The following TRIM71 variants were observed in gnomAD, a reference collection of about 807,000 sequenced individuals.
The protein encoded by TRIM71 is tripartite motif containing 71.
TRIM71 carries 9 observed loss-of-function variants against 61.2 expected under a neutral mutation model. The ratio of observed to expected loss-of-function variants is 0.15; its 90% CI spans 0.09 to 0.26. TRIM71 has a LOEUF of 0.26. TRIM71 is among the 10% of genes least tolerant of loss of function. The pLI, the probability that TRIM71 is intolerant of heterozygous loss-of-function variation, is 1.00. For synonymous variants in TRIM71, 645 were observed against 553.2 expected (o/e 1.17, Z -2.33); for missense variants, 998 against 1,238.7 (o/e 0.81, Z 2.92).
rs1221920243 is a variant in TRIM71 at position 32,891,685 on chromosome 3, C to T, written c.2481C>T (p.Phe827=). ...AGATGTTTGAATCCAACGGCAGCTT[C>T]CTGTGCAAGTTTGGTGCTCAAGGCA... is the stretch of plus-strand genomic sequence containing the variant. ...RVQMFESNGS[F]LCKFGAQGSG... Residue 827 remains phenylalanine (F), a synonymous_variant, in exon 4 of 4, where the codon TTC becomes TTT. Coordinates refer to ENST00000383763, the MANE Select transcript of TRIM71 (RefSeq NM_001039111.3). This position sits in a 1 kb window ranked among gnomAD's most constrained non-coding sequence, Gnocchi z 8.2. The T allele has an allele frequency of 6.2e-7, 1 of 1,613,962 alleles. No individual in the cohort carries two copies. Among genetic ancestry groups the T allele is most frequent in the African/African-American group, 1.3e-5 (1 of 74,936 alleles).
intron 1 of TRIM71, among the ~76,000 whole-genome samples, chr3:32,828,447 A>G (rs1276007156): frequency 6.6e-6 from 1 of 151,120 alleles, no homozygotes; most frequent in Admixed American, 6.6e-5. Context: ...TAAGGAGTAG[A>G]GCTGAAATAT....
rs200496390 is a variant in TRIM71 at position 32,890,410 on chromosome 3, G to A, written c.1206G>A (p.Glu402=). ...CCAAGTCTCTGTACCTGCAGGTGGA[G>A]AAGCTGCGGCAAAACCTCAACAAGC... ...VKAKSLYLQV[E]KLRQNLNKLE... Residue 402 remains glutamate (E), a synonymous_variant, in exon 4 of 4, where the codon GAG becomes GAA. Coordinates refer to ENST00000383763, the MANE Select transcript of TRIM71 (RefSeq NM_001039111.3). This position sits in a 1 kb window ranked among gnomAD's most constrained non-coding sequence, Gnocchi z 6.2. 1 of 1,614,036 alleles carries A rather than the reference G, an allele frequency of 6.2e-7. No homozygotes were observed. The highest frequency in any genetic ancestry group is 8.5e-7 in the Non-Finnish European group (1 of 1,179,898).
chr3:32,871,588 C>G (rs78937538), intron 1 of TRIM71, among the ~76,000 whole-genome samples: 2,241 of 152,226 alleles, frequency 0.015, 23 homozygotes, highest in Non-Finnish European at 0.021. Flanking sequence ...AGCACCAGGT[C>G]GTAAAAAGGG....
chr3:32,859,152 A>G (rs1696638508), intron 1 of TRIM71, among the ~76,000 whole-genome samples: 1 of 152,196 alleles, frequency 6.6e-6, no homozygotes, highest in African/African-American at 2.4e-5. Flanking sequence ...ATTTGTTGGA[A>G]TGAGGTAGGA....
intron 1 of TRIM71, among the ~76,000 whole-genome samples, chr3:32,856,785 A>G (rs1339524811): frequency 6.6e-6 from 1 of 152,124 alleles, no homozygotes; most frequent in Admixed American, 6.5e-5. Context: ...TGCCTTGCAA[A>G]CACTGTGATT....
In TRIM71 at chr3:32,873,060, TCTTC is replaced by T. The variant is rs539712045; in HGVS notation, c.853-755_853-752del. On this transcript the variant is annotated intron_variant, in intron 1 of 3. Transcript: ENST00000383763. The stretch of plus-strand genomic sequence containing the variant: ...TAAAGGTTGTGCCAGCCCTTCTCTC[TCTTC>T]CTCCCTCCCTCCCTCCCTCCCTCCC... Among the ~76,000 whole-genome samples the T allele has an allele frequency of 3.4e-3, 328 of 96,046 alleles. 11 individuals are homozygous for T. Among genetic ancestry groups the T allele is most frequent in the East Asian group, 0.021 (50 of 2,344 alleles). 63.0% of individuals were successfully genotyped at this position (96,046 alleles called of 152,430 possible).
At chr3:32,875,576 C>T (rs926875402) in intron 2 of TRIM71, among the ~76,000 whole-genome samples, 1 of 152,198 alleles carries the variant, frequency 6.6e-6, no homozygotes, top group African/African-American at 2.4e-5. Context: ...CAGTGGCTCA[C>T]GCCTGTGTAA....
At chr3:32,860,933 G>A (rs1389521319) in intron 1 of TRIM71, among the ~76,000 whole-genome samples, 1 of 152,044 alleles carries the variant, frequency 6.6e-6, no homozygotes, top group Non-Finnish European at 1.5e-5. Context: ...CCAGCACTTT[G>A]GGAGGCCGAG....
Position 32,894,267 on chromosome 3 carries a change from A to G in TRIM71, c.*2456A>G, listed in dbSNP as rs1697056882. On this transcript the variant is annotated 3_prime_UTR_variant, in exon 4 of 4. Coordinates refer to ENST00000383763, the MANE Select transcript of TRIM71 (RefSeq NM_001039111.3). ...TCTTGATTAAAATCTTTTCATCATC[A>G]TTTTCATTCTGCTCTTTTCTTTCTA... The G allele has an allele frequency of 6.6e-6, 1 of 152,108 alleles. No homozygotes were observed. Among genetic ancestry groups the G allele is most frequent in the African/African-American group, 2.4e-5 (1 of 41,396 alleles). 9.4% of individuals were successfully genotyped at this position (152,108 alleles called of 1,614,324 possible). A position where few individuals can be genotyped will look rare whatever the true frequency, so the allele number is the denominator to read the frequency against.
chr3:32,886,090 C>A, intron 3 of TRIM71, 22 bp downstream of exon 3: 1 of 1,604,110 alleles, frequency 6.2e-7, no homozygotes, highest in Non-Finnish European at 8.5e-7. Context: ...AGCTCCCCCA[C>A]CCAGGCTGTG....
intron 3 of TRIM71, among the ~76,000 whole-genome samples, chr3:32,888,434 CAAAAAAAAAAAAAAAAAAA>C (rs56834147): frequency 1.1e-4 from 11 of 95,858 alleles, no homozygotes; most frequent in Non-Finnish European, 1.5e-4. Context: ...CCATCTCTAC[CAAAAAAAAAAAAAAAAAAA>C]AAAAAAAAAA....
In TRIM71 at chr3:32,891,310, C is replaced by T. The variant is rs751227337; in HGVS notation, c.2106C>T (p.Tyr702=). 7.4e-6 allele frequency: 12 copies of T among 1,613,970 alleles called. No homozygotes were observed. The highest frequency in any genetic ancestry group is 5.3e-5 in the African/African-American group (4 of 74,916). The change falls in exon 4 of 4, where the codon TAC becomes TAT. Residue 702 remains tyrosine, a synonymous_variant. Transcript: ENST00000383763. The surrounding 1 kb of genome is among the most constrained non-coding windows in gnomAD (Gnocchi z 8.2). ...EKGTKNGQFN[Y]PWDVAVNSEG... ...GAACCAAGAATGGGCAGTTCAACTA[C>T]CCTTGGGATGTGGCGGTGAATTCTG...
At chr3:32,866,369 C>T (rs1481254039) in intron 1 of TRIM71, among the ~76,000 whole-genome samples, 1 of 152,000 alleles carries the variant, frequency 6.6e-6, no homozygotes, top group Non-Finnish European at 1.5e-5. Context: ...CCTCAGCCTC[C>T]CGAGTAGCTA....
At chr3:32,835,543 A>G (rs914565308) in intron 1 of TRIM71, among the ~76,000 whole-genome samples, 1 of 152,218 alleles carries the variant, frequency 6.6e-6, no homozygotes, top group African/African-American at 2.4e-5. Context: ...GGGTTTTGGG[A>G]AAATAACGTT....
intron 1 of TRIM71, among the ~76,000 whole-genome samples, chr3:32,864,060 T>C (rs931807252): frequency 6.6e-6 from 1 of 152,210 alleles, no homozygotes; most frequent in South Asian, 2.1e-4. Flanking sequence ...GTTTTGTTTT[T>C]ACTTTTAAAC....
chr3:32,882,468 T>C (rs1199433226), intron 2 of TRIM71, among the ~76,000 whole-genome samples: 1 of 152,182 alleles, frequency 6.6e-6, no homozygotes, highest in African/African-American at 2.4e-5. Context: ...ACTGGGGCTG[T>C]GACTCTTCAA....
chr3:32,835,291 G>A (rs1477969223), intron 1 of TRIM71, among the ~76,000 whole-genome samples: 1 of 152,148 alleles, frequency 6.6e-6, no homozygotes, highest in Non-Finnish European at 1.5e-5. Flanking sequence ...AGCTTCAGCA[G>A]GTTAAGAAAC....
At chr3:32,848,484 G>A (rs1038498857) in intron 1 of TRIM71, among the ~76,000 whole-genome samples, 5 of 152,158 alleles carry the variant, frequency 3.3e-5, no homozygotes, top group Admixed American at 1.3e-4. Flanking sequence ...GCATGAAGCC[G>A]TTGTGGAAGG....
At chr3:32,858,142 A>G (rs1023989734) in intron 1 of TRIM71, among the ~76,000 whole-genome samples, 16 of 152,122 alleles carry the variant, frequency 1.1e-4, no homozygotes, top group Non-Finnish European at 1.3e-4. Context: ...AAGAAAATCT[A>G]TGTATAAGTG....
Sources: allele counts gnomAD v4.1 joint callset (sites outside exome capture counted in the v4.1 genomes callset), GRCh38; gene constraint gnomAD v4.1.1; non-coding constraint Gnocchi (gnomAD v3.1); transcripts MANE v1.5; gene names NCBI Gene and HGNC (gene_info 2026-07-23, HGNC 2026-07-21).